FOXP2: variants seen among roughly 807,000 people sequenced by gnomAD.
The protein encoded by FOXP2 is forkhead box P2.
Under a neutral mutation model 115.8 loss-of-function variants are expected in FOXP2, and 12 were observed. That is an observed-to-expected ratio of 0.10 (90% CI 0.07 to 0.17). The LOEUF (loss-of-function observed/expected upper bound fraction) is 0.17, where lower values mean the gene tolerates loss of function less well. Among genes scored for constraint, FOXP2 ranks in the 10% least tolerant of loss-of-function variants. FOXP2 has a pLI of 1.00. For synonymous variants in FOXP2, 328 were observed against 297.7 expected, an observed-to-expected ratio of 1.10 and a Z score of -1.05; for missense variants, 629 against 843.5, an observed-to-expected ratio of 0.75 and a Z score of 3.15.
At chr7:114,538,252 A>C in intron 3 of FOXP2, 1 of 1,065,548 alleles carries the variant, frequency 9.4e-7, no homozygotes, top group Non-Finnish European at 1.3e-6. Flanking sequence ...TCAATTTTCT[A>C]GCCTATGACA....
At chr7:114,209,591 C>A (rs1276349899) in intron 1 of FOXP2, among the ~76,000 whole-genome samples, 1 of 152,002 alleles carries the variant, frequency 6.6e-6, no homozygotes, top group Non-Finnish European at 1.5e-5. Context: ...TTTTTCTTTC[C>A]TTTTGATCTT....
intron 16 of FOXP2, among the ~76,000 whole-genome samples, chr7:114,672,596 T>A (rs12705972): frequency 0.39 from 50,031 of 128,398 alleles, 9,741 homozygotes; most frequent in Non-Finnish European, 0.49. Context: ...AAAAAAAAAA[T>A]ACCTATTACT....
intron 2 of FOXP2, among the ~76,000 whole-genome samples, chr7:114,480,786 C>T (rs1255244094): frequency 1.2e-4 from 18 of 150,118 alleles, no homozygotes; most frequent in Non-Finnish European, 1.3e-4. Context: ...CATACACATG[C>T]ACAACCGTAT....
intron 8 of FOXP2, among the ~76,000 whole-genome samples, chr7:114,647,922 G>A (rs944358732): frequency 2.0e-5 from 3 of 151,910 alleles, no homozygotes; most frequent in Admixed American, 6.6e-5. Flanking sequence ...ATACAAAGGT[G>A]GAAATACTCT....
intron 1 of FOXP2, among the ~76,000 whole-genome samples, chr7:114,242,390 G>A (rs1172502411): frequency 6.6e-6 from 1 of 151,936 alleles, no homozygotes; most frequent in African/African-American, 2.4e-5. Flanking sequence ...TCTACATTTT[G>A]TCTCTGTCAT....
chr7:114,331,829 A>C (rs762753332), intron 2 of FOXP2, among the ~76,000 whole-genome samples: 28 of 151,960 alleles, frequency 1.8e-4, no homozygotes, highest in Non-Finnish European at 3.4e-4. Flanking sequence ...TATTTTTACT[A>C]TAGATGGGGT....
intron 2 of FOXP2, chr7:114,463,093 A>G: frequency 2.3e-6 from 1 of 428,226 alleles, no homozygotes; most frequent in Non-Finnish European, 4.7e-6. Context: ...CAGTGGTGCA[A>G]TCATAACTCA....
At chr7:114,495,483 C>CTTTTTTTTTTTTTTTTTTTT (rs35933398) in intron 2 of FOXP2, among the ~76,000 whole-genome samples, 4 of 61,456 alleles carry the variant, frequency 6.5e-5, no homozygotes, top group Non-Finnish European at 8.6e-5. Context: ...TTCTCTCTCT[C>CTTTTTTTTTTTTTTTTTTTT]TTTTTTTTTT....
chr7:114,637,880 T>C (rs1381875663), intron 6 of FOXP2, among the ~76,000 whole-genome samples: 1 of 152,102 alleles, frequency 6.6e-6, no homozygotes, highest in Non-Finnish European at 1.5e-5. Context: ...CCATCTCTAA[T>C]ATAGGGATAA....
chr7:114,690,093 A>G lies in FOXP2; in HGVS notation c.*167A>G. ...AGCCAGCCCTTTGGGATTCAGTACCAACAGGCAAATTGCTTGTTTTCTTCT... is the reference window on the plus strand; with the variant it reads ...AGCCAGCCCTTTGGGATTCAGTACCGACAGGCAAATTGCTTGTTTTCTTCT... On this transcript the variant is annotated 3_prime_UTR_variant, in exon 17 of 17. Transcript: ENST00000350908. The G allele has an allele frequency of 1.3e-6, 1 of 759,854 alleles. No homozygotes were observed. The highest frequency in any genetic ancestry group is 2.3e-6 in the Non-Finnish European group (1 of 440,584). The allele number at this position is 759,854 out of a possible 1,614,324, so 47.1% of individuals were successfully genotyped here. A position where few individuals can be genotyped will look rare whatever the true frequency, so the allele number is the denominator to read the frequency against.
intron 2 of FOXP2, among the ~76,000 whole-genome samples, chr7:114,458,969 T>G (rs73208657): frequency 0.014 from 2,150 of 152,206 alleles, 17 homozygotes; most frequent in Non-Finnish European, 0.021. Flanking sequence ...GGTGGCTGGC[T>G]TCATCCGGAG....
At chr7:114,663,637 A>C (rs1326475734) in intron 15 of FOXP2, 118 bp downstream of exon 15, 5 of 801,854 alleles carry the variant, frequency 6.2e-6, no homozygotes, top group Non-Finnish European at 8.4e-6. Context: ...TTATCATCCA[A>C]GTTGTAGTAC....
rs997816321 is a variant in FOXP2 at position 114,208,303 on chromosome 7, A to C, written c.-102+45215A>C. ...CTGCCCTACTGGATTTTGGACTTGC[A>C]TGGGGCCTGTATCCCCTTTGTTTTG... On this transcript the variant is annotated intron_variant, in intron 1 of 17. Coordinates refer to the FOXP2 transcript ENST00000634411. 1.5e-4 allele frequency among the ~76,000 whole-genome samples: 23 copies of C among 152,116 alleles called. 1 individual carries two copies. The highest frequency in any genetic ancestry group is 4.8e-4 in the African/African-American group (20 of 41,418).
intron 3 of FOXP2, among the ~76,000 whole-genome samples, chr7:114,575,280 A>G (rs1281366586): frequency 6.6e-6 from 1 of 151,906 alleles, no homozygotes; most frequent in Admixed American, 6.6e-5. Context: ...AGTACTTACC[A>G]TAATGACTAA....
intron 2 of FOXP2, among the ~76,000 whole-genome samples, chr7:114,320,698 A>G (rs886852308): frequency 6.6e-6 from 1 of 152,186 alleles, no homozygotes; most frequent in African/African-American, 2.4e-5. Context: ...TGCATGTTGC[A>G]TCTTCCAGTC....
intron 1 of FOXP2, among the ~76,000 whole-genome samples, chr7:114,239,217 T>A (rs1419798690): frequency 7.9e-5 from 12 of 151,948 alleles, no homozygotes; most frequent in Admixed American, 7.2e-4. Context: ...AGTTCTATAT[T>A]TTTTTGGAAT....
At chr7:114,646,739 T>C (rs1429296285) in intron 8 of FOXP2, among the ~76,000 whole-genome samples, 1 of 152,034 alleles carries the variant, frequency 6.6e-6, no homozygotes, top group Non-Finnish European at 1.5e-5. Flanking sequence ...TAGATATACT[T>C]TCTGTAGTGG....
chr7:114,659,657 A>G lies in FOXP2; in HGVS notation c.1631A>G (p.Asn544Ser). Residue 544 changes from asparagine (N) to serine (S), a missense_variant, in exon 13 of 17, where the codon AAT (asparagine) becomes AGT (serine). By Grantham distance (46) the Asn-to-Ser change is conservative (BLOSUM62 1). Transcript: ENST00000350908. ...FTRTFAYFRR[N>S]AATWKNAVRH... ...CGGACATTTGCTTACTTCAGGCGTA[A>G]TGCAGCAACTTGGAAGGTAACTACT... 1 of 1,613,616 alleles carries G rather than the reference A, an allele frequency of 6.2e-7. No individual in the cohort carries two copies. Among genetic ancestry groups the G allele is most frequent in the South Asian group, 1.1e-5 (1 of 91,076 alleles).
intron 1 of FOXP2, among the ~76,000 whole-genome samples, chr7:114,147,990 G>A (rs754589826): frequency 1.3e-5 from 2 of 152,144 alleles, no homozygotes; most frequent in African/African-American, 2.4e-5. Flanking sequence ...GAAATAAGGG[G>A]TTCAAGTGGC....
Sources: gnomAD v4.1 joint callset for allele counts (sites outside exome capture counted in the v4.1 genomes callset) on GRCh38, gnomAD v4.1.1 for gene constraint, MANE v1.5 for transcripts, NCBI Gene and HGNC (gene_info 2026-07-23, HGNC 2026-07-21) for gene names.